Variants in ZFYVE9 observed in about 807,000 individuals in gnomAD.
ZFYVE9 encodes zinc finger FYVE-type containing 9, also known as zinc finger FYVE domain-containing protein 9.
A neutral mutation model predicts 126.7 loss-of-function variants in ZFYVE9; 43 were observed. The ratio of observed to expected loss-of-function variants is 0.34; its 90% CI spans 0.27 to 0.44. The LOEUF (loss-of-function observed/expected upper bound fraction) is 0.44, where lower values mean the gene tolerates loss of function less well. Ranked by LOEUF, ZFYVE9 falls within the 20% of genes least tolerant of loss-of-function variation. The pLI is 1.00. For missense variants in ZFYVE9, 1,476 were observed against 1,697.0 expected (o/e 0.87, Z 2.29); for synonymous variants, 521 against 597.4 (o/e 0.87, Z 1.87).
Position 52,238,805 on chromosome 1 carries a change from C to T in ZFYVE9, c.1388C>T (p.Ser463Phe), listed in dbSNP as rs267598642. 6.2e-7 allele frequency: 1 copy of T among 1,614,048 alleles called. No individual in the cohort carries two copies. Residue 463 changes from serine (S) to phenylalanine (F), a missense_variant, in exon 4 of 19, where the codon TCC becomes TTC. Around this residue, in one of 2 missense-constraint regions of ZFYVE9, gnomAD observed 807 missense variants for 794.6 expected, o/e 1.02. Coordinates refer to ENST00000287727, the MANE Select transcript of ZFYVE9 (RefSeq NM_004799.4). ...AGTGAAAGTGAAGAATGTGATTTCTCCACTGTTATAGACACACCAGCAGCA... is the reference window on the plus strand; with the variant it reads ...AGTGAAAGTGAAGAATGTGATTTCTTCACTGTTATAGACACACCAGCAGCA... ...CISESEECDF[S>F]TVIDTPAANY...
At chr1:52,342,267 CT>C (rs35283062) in intron 17 of ZFYVE9, among the ~76,000 whole-genome samples, 7,524 of 133,072 alleles carry the variant, frequency 0.057, 501 homozygotes, top group African/African-American at 0.2. Flanking sequence ...TATATTTTGC[CT>C]TTTTTTTTTT....
chr1:52,251,580 A>G (rs1277995361), intron 4 of ZFYVE9, among the ~76,000 whole-genome samples: 1 of 151,538 alleles, frequency 6.6e-6, no homozygotes, highest in Non-Finnish European at 1.5e-5. Context: ...AATTCTATCA[A>G]TATGTTCAAT....
At chr1:52,225,650 A>G (rs991976387) in intron 2 of ZFYVE9, among the ~76,000 whole-genome samples, 3 of 152,204 alleles carry the variant, frequency 2.0e-5, no homozygotes, top group Admixed American at 6.5e-5. Flanking sequence ...GTGGCGGTAA[A>G]GAAGAAACAG....
At chr1:52,271,428 A>T (rs1171702204) in intron 7 of ZFYVE9, among the ~76,000 whole-genome samples, 5 of 151,942 alleles carry the variant, frequency 3.3e-5, no homozygotes, top group African/African-American at 1.2e-4. Context: ...ATGTCTTTTT[A>T]TTATTATTAT....
At chr1:52,262,717 A>G (rs1179396407) in intron 4 of ZFYVE9, among the ~76,000 whole-genome samples, 2 of 152,180 alleles carry the variant, frequency 1.3e-5, no homozygotes, top group Non-Finnish European at 2.9e-5. Context: ...AATTTATCCT[A>G]CTGGGAACAG....
intron 1 of ZFYVE9, among the ~76,000 whole-genome samples, chr1:52,198,424 G>C (rs1165079404): frequency 6.6e-6 from 1 of 152,056 alleles, no homozygotes; most frequent in East Asian, 1.9e-4. Flanking sequence ...TAAGTAATTT[G>C]AGCATGGATT....
Position 52,160,519 on chromosome 1 carries a change from G to T in ZFYVE9, c.-143+18116G>T. ...CTGAAGCGGCTACTCTAGCCACCAC[G>T]CTGATGCCCCAGCCCTTGTGACACG... On this transcript the variant is annotated intron_variant, in intron 1 of 18. Coordinates refer to ENST00000287727, the MANE Select transcript of ZFYVE9 (RefSeq NM_004799.4). 3.8e-6 allele frequency: 3 copies of T among 779,900 alleles called. No individual in the cohort carries two copies. The South Asian group carries it at 4.0e-5, about 11-fold the overall frequency. The allele number at this position is 779,900 out of a possible 1,614,324, so 48.3% of individuals were successfully genotyped here.
intron 7 of ZFYVE9, among the ~76,000 whole-genome samples, chr1:52,269,952 T>C (rs1645672972): frequency 6.6e-6 from 1 of 152,066 alleles, no homozygotes; most frequent in South Asian, 2.1e-4. Flanking sequence ...CACAACTGTT[T>C]ATTTGGAAAA....
At position 52,296,194 on chromosome 1, in the gene ZFYVE9, C is replaced by T. The variant is rs575167689; in HGVS notation, c.3333+217C>T. Among the ~76,000 whole-genome samples, 8 of 150,938 alleles carry T rather than the reference C, an allele frequency of 5.3e-5. No homozygotes were observed. In the South Asian group the frequency reaches 1.0e-3, roughly 20 times the overall value. ...ATATGTATACACACACACACACACA[C>T]ATATATATATTCTTTTGCAAACATG... On this transcript the variant is annotated intron_variant, in intron 12 of 18. Coordinates refer to ENST00000287727, the MANE Select transcript of ZFYVE9 (RefSeq NM_004799.4).
In ZFYVE9 at chr1:52,228,541, T is replaced by C. The variant is rs114208536; in HGVS notation, c.-36-4630T>C. 6.9e-3 allele frequency among the ~76,000 whole-genome samples: 1,046 copies of C among 152,276 alleles called. 12 individuals are homozygous for C. Among genetic ancestry groups the C allele is most frequent in the African/African-American group, 0.024 (994 of 41,562 alleles). ...ATCAGTTTTTACCATTTTGTCCCTT[T>C]TGCACACCTTTCTTCCCTTCCCACA... On this transcript the variant is annotated intron_variant, in intron 2 of 18. Coordinates refer to ENST00000287727, the MANE Select transcript of ZFYVE9 (RefSeq NM_004799.4).
At chr1:52,234,977 A>G (rs1017134622) in intron 3 of ZFYVE9, among the ~76,000 whole-genome samples, 46 of 152,316 alleles carry the variant, frequency 3.0e-4, no homozygotes, top group African/African-American at 9.1e-4. Flanking sequence ...CTCTTAGTTC[A>G]TTACATTTGT....
chr1:52,334,654 C>G (rs1646373108), intron 14 of ZFYVE9, 34 bp from the exon 15 acceptor site: 1 of 1,600,742 alleles, frequency 6.2e-7, no homozygotes, highest in Non-Finnish European at 8.6e-7. Flanking sequence ...AGCTTAGGGT[C>G]TGTCTTACTA....
chr1:52,344,596 T>C (rs1646467732), intron 17 of ZFYVE9, among the ~76,000 whole-genome samples, 172 bp from the exon 18 acceptor site: 1 of 152,086 alleles, frequency 6.6e-6, no homozygotes, highest in East Asian at 1.9e-4. Context: ...GTTTTTTTTT[T>C]AGGTGGAAGA....
chr1:52,240,293 G>C (rs1645320571), intron 4 of ZFYVE9, among the ~76,000 whole-genome samples: 1 of 152,150 alleles, frequency 6.6e-6, no homozygotes, highest in Non-Finnish European at 1.5e-5. Context: ...ATATTTTTGA[G>C]ATATGGTGTC....
intron 4 of ZFYVE9, among the ~76,000 whole-genome samples, chr1:52,241,468 C>T (rs1482159278): frequency 6.6e-6 from 1 of 152,200 alleles, no homozygotes; most frequent in African/African-American, 2.4e-5. Flanking sequence ...TACTGTAACA[C>T]TTTCTGAAGT....
In ZFYVE9 at chr1:52,303,977, G is replaced by A. The variant is rs376193407; in HGVS notation, c.3438+52G>A. ...TTCATAGTTGAAAACATGAGTGAAG[G>A]TGAAAAATGCATGATTATATATAAA... On this transcript the variant is annotated intron_variant, in intron 13 of 18. Transcript: ENST00000287727. 3.6e-3 allele frequency: 4,481 copies of A among 1,233,148 alleles called. 12 individuals are homozygous for A. The highest frequency in any genetic ancestry group is 4.7e-3 in the Non-Finnish European group (4,182 of 885,638). The allele number at this position is 1,233,148 out of a possible 1,614,324, so 76.4% of individuals were successfully genotyped here. A position where few individuals can be genotyped will look rare whatever the true frequency, so the allele number is the denominator to read the frequency against.
chr1:52,171,677 T>A (rs1644571084), intron 1 of ZFYVE9, among the ~76,000 whole-genome samples: 1 of 152,122 alleles, frequency 6.6e-6, no homozygotes, highest in African/African-American at 2.4e-5. Context: ...TCCTGACTTT[T>A]TAATGATCGC....
intron 2 of ZFYVE9, among the ~76,000 whole-genome samples, chr1:52,228,219 C>G (rs1176396928): frequency 6.6e-6 from 1 of 152,158 alleles, no homozygotes; most frequent in African/African-American, 2.4e-5. Context: ...GCTGGGATTA[C>G]AGGCATGTGT....
intron 4 of ZFYVE9, among the ~76,000 whole-genome samples, chr1:52,240,002 C>A (rs1025448984): frequency 6.6e-6 from 1 of 152,132 alleles, no homozygotes; most frequent in Non-Finnish European, 1.5e-5. Flanking sequence ...ATAAAAATTA[C>A]ATTTAATTGT....
Sources: gnomAD v4.1 joint callset for allele counts (sites outside exome capture counted in the v4.1 genomes callset) on GRCh38, gnomAD v4.1.1 for gene constraint, gnomAD v4.1.1 regional missense constraint, MANE v1.5 for transcripts, NCBI Gene and HGNC (gene_info 2026-07-23, HGNC 2026-07-21) for gene names.